PDE7B: variants seen among roughly 807,000 people sequenced by gnomAD.
The protein encoded by PDE7B is 3',5'-cyclic-AMP phosphodiesterase 7B.
Under a neutral mutation model 56.2 loss-of-function variants are expected in PDE7B, and 29 were observed. That is an observed-to-expected ratio of 0.52 (90% confidence interval 0.38 to 0.70). PDE7B has a LOEUF of 0.70. Among genes scored for constraint, PDE7B ranks in the 30% least tolerant of loss-of-function variants. PDE7B has a pLI of 0.00. For synonymous variants in PDE7B, 197 were observed against 196.9 expected (o/e 1.00, Z 0.00); for missense variants, 490 against 565.0 (o/e 0.87, Z 1.35).
chr6:135,955,867 C>T (rs940095952), intron 2 of PDE7B, among the ~76,000 whole-genome samples: 2 of 152,114 alleles, frequency 1.3e-5, no homozygotes, highest in East Asian at 1.9e-4. Flanking sequence ...TGCCCTGTCC[C>T]GCAAAGAAGA....
At chr6:136,152,049 G>A (rs1778529067) in intron 6 of PDE7B, among the ~76,000 whole-genome samples, 1 of 152,158 alleles carries the variant, frequency 6.6e-6, no homozygotes, top group Non-Finnish European at 1.5e-5. Flanking sequence ...TCTTCACACT[G>A]AGTAGGCTGA....
At chr6:135,960,682 G>T (rs917548685) in intron 2 of PDE7B, among the ~76,000 whole-genome samples, 2 of 152,086 alleles carry the variant, frequency 1.3e-5, no homozygotes, top group African/African-American at 2.4e-5. Flanking sequence ...CAAAGTTAAC[G>T]TATCTGTACA....
intron 2 of PDE7B, among the ~76,000 whole-genome samples, chr6:136,065,939 G>C (rs1776928333): frequency 6.6e-6 from 1 of 152,108 alleles, no homozygotes; most frequent in African/African-American, 2.4e-5. Context: ...GTGATCTTCA[G>C]AGTTCTAACT....
chr6:136,108,159 A>G (rs1355295256), intron 2 of PDE7B, among the ~76,000 whole-genome samples: 2 of 150,764 alleles, frequency 1.3e-5, no homozygotes, highest in African/African-American at 4.9e-5. Flanking sequence ...AAATATATAT[A>G]TACATATAAA....
At chr6:136,020,495 T>C (rs950053988) in intron 2 of PDE7B, among the ~76,000 whole-genome samples, 11 of 152,092 alleles carry the variant, frequency 7.2e-5, no homozygotes, top group Non-Finnish European at 1.5e-4. Flanking sequence ...TATTGAAAAA[T>C]ATATTCTTAT....
chr6:135,962,211 C>T (rs1583797803), intron 2 of PDE7B, among the ~76,000 whole-genome samples: 3 of 152,278 alleles, frequency 2.0e-5, no homozygotes, highest in South Asian at 2.1e-4. Context: ...ATAGTTTAGT[C>T]CTTTACTATG....
chr6:136,096,350 G>A (rs1323073890), intron 2 of PDE7B: 1 of 152,084 alleles, frequency 6.6e-6, no homozygotes, highest in Non-Finnish European at 1.5e-5. Flanking sequence ...ACATAAAAAT[G>A]CTTCTCTCAA....
At chr6:136,157,991 A>G (rs1455815109) in intron 8 of PDE7B, among the ~76,000 whole-genome samples, 1 of 152,246 alleles carries the variant, frequency 6.6e-6, no homozygotes, top group Non-Finnish European at 1.5e-5. Context: ...GATTAGTTGT[A>G]CAGGACATGA....
intron 2 of PDE7B, among the ~76,000 whole-genome samples, chr6:135,956,884 G>A (rs184869216): frequency 8.1e-5 from 12 of 147,842 alleles, no homozygotes; most frequent in Non-Finnish European, 1.3e-4. Flanking sequence ...AAATAAAGAC[G>A]GAAGGAAGGA....
intron 2 of PDE7B, among the ~76,000 whole-genome samples, chr6:136,027,915 C>T (rs1171283301): frequency 6.6e-6 from 1 of 152,186 alleles, no homozygotes; most frequent in Non-Finnish European, 1.5e-5. Context: ...AGCCACCACG[C>T]CCAGCCTGTC....
chr6:135,915,393 A>G (rs542158453), intron 1 of PDE7B, among the ~76,000 whole-genome samples: 1 of 152,324 alleles, frequency 6.6e-6, no homozygotes, highest in South Asian at 2.1e-4. Flanking sequence ...AAGACTTTGC[A>G]TTCTTGCCAG....
chr6:135,966,195 C>T (rs1402794782), intron 2 of PDE7B, among the ~76,000 whole-genome samples: 1 of 152,122 alleles, frequency 6.6e-6, no homozygotes, highest in Non-Finnish European at 1.5e-5. Flanking sequence ...TTGGCAATCT[C>T]GTCCTTAGAA....
chr6:136,057,520 C>T (rs1209675513), intron 2 of PDE7B, among the ~76,000 whole-genome samples: 2 of 152,134 alleles, frequency 1.3e-5, no homozygotes, highest in African/African-American at 4.8e-5. Flanking sequence ...TTGGTTGTGT[C>T]AAATTACATG....
intron 2 of PDE7B, among the ~76,000 whole-genome samples, chr6:136,043,254 T>C (rs1776442463): frequency 6.6e-6 from 1 of 152,216 alleles, no homozygotes; most frequent in Non-Finnish European, 1.5e-5. Context: ...GAGTCAATAC[T>C]GGAGTACATC....
At chr6:136,075,596 C>T (rs1777115708) in intron 2 of PDE7B, among the ~76,000 whole-genome samples, 3 of 152,188 alleles carry the variant, frequency 2.0e-5, no homozygotes, top group African/African-American at 7.2e-5. Context: ...AAACTTAGTT[C>T]TGGGTGAAGT....
intron 3 of PDE7B, among the ~76,000 whole-genome samples, chr6:136,136,009 A>T (rs1367089785): frequency 6.6e-6 from 1 of 152,094 alleles, no homozygotes; most frequent in Non-Finnish European, 1.5e-5. Context: ...TTACAGGGCA[A>T]CTGCATCTTA....
rs776783458 is a variant in PDE7B, at chr6:136,179,023, C to T, written c.830C>T (p.Ser277Phe). The T allele has an allele frequency of 1.1e-5, 17 of 1,614,018 alleles. No homozygotes were observed. Among genetic ancestry groups the T allele is most frequent in the Admixed American group, 1.7e-5 (1 of 60,008 alleles). ...MTQDIEQQLG[S>F]LILATDINRQ... ...CAGGATATTGAACAGCAGCTGGGCT[C>T]CTTGATCTTGGCAACAGACATCAAC... is the stretch of plus-strand genomic sequence containing the variant. The change falls in exon 10 of 13, where the codon TCC (serine) becomes TTC (phenylalanine). Residue 277 changes from serine (S) to phenylalanine (F), a missense_variant. Physicochemically the swap from Ser to Phe is radical, Grantham distance 155. Transcript: ENST00000308191.
intron 5 of PDE7B, among the ~76,000 whole-genome samples, chr6:136,150,663 G>A (rs1475950765): frequency 1.3e-5 from 2 of 152,138 alleles, no homozygotes; most frequent in South Asian, 4.1e-4. Context: ...CATCTCTGCT[G>A]ACTTGAATTC....
intron 3 of PDE7B, among the ~76,000 whole-genome samples, chr6:136,137,058 T>G (rs551381501): frequency 1.1e-4 from 17 of 152,182 alleles, no homozygotes; most frequent in African/African-American, 3.6e-4. Context: ...TGGGGTGTAA[T>G]AGTTGTTCAC....
Sources: allele counts gnomAD v4.1 joint callset (sites outside exome capture counted in the v4.1 genomes callset), GRCh38; gene constraint gnomAD v4.1.1; transcripts MANE v1.5; gene names NCBI Gene and HGNC (gene_info 2026-07-23, HGNC 2026-07-21).